TTLL11: variants seen among roughly 807,000 people sequenced by gnomAD.
TTLL11 encodes the protein tubulin polyglutamylase TTLL11.
Under a neutral mutation model 51.7 loss-of-function variants are expected in TTLL11, and 42 were observed. That is an observed-to-expected ratio of 0.81 (90% CI 0.64 to 1.05). TTLL11 has a LOEUF of 1.05. Among genes scored for constraint, TTLL11 ranks in the 50% least tolerant of loss-of-function variants. TTLL11 has a pLI of 0.00. For synonymous variants in TTLL11, 381 were observed against 383.5 expected (o/e 0.99, Z 0.08); for missense variants, 799 against 940.4 (o/e 0.85, Z 1.97).
At chr9:121,984,663 A>C (rs544539843) in intron 4 of TTLL11, among the ~76,000 whole-genome samples, 2 of 152,304 alleles carry the variant, frequency 1.3e-5, no homozygotes, top group Non-Finnish European at 2.9e-5. Flanking sequence ...AAAACAAAGA[A>C]TAAAGAGGAG....
intron 6 of TTLL11, among the ~76,000 whole-genome samples, chr9:121,871,902 G>C (rs1447600625): frequency 6.6e-6 from 1 of 152,220 alleles, no homozygotes; most frequent in Non-Finnish European, 1.5e-5. Context: ...TTGCAGGTCA[G>C]TTCCCACTCC....
chr9:121,997,278 G>A (rs1323075720), intron 3 of TTLL11, among the ~76,000 whole-genome samples: 2 of 152,044 alleles, frequency 1.3e-5, no homozygotes, highest in Admixed American at 6.6e-5. Context: ...TTCCTCTCAG[G>A]TCCCTTCTCA....
At chr9:121,978,076 A>G (rs768559289) in intron 4 of TTLL11, among the ~76,000 whole-genome samples, 2 of 152,252 alleles carry the variant, frequency 1.3e-5, no homozygotes, top group Admixed American at 6.5e-5. Context: ...TAGGGGAGAA[A>G]AGATCAAATA....
chr9:121,930,762 A>G (rs1006572941), intron 6 of TTLL11, among the ~76,000 whole-genome samples: 9 of 152,330 alleles, frequency 5.9e-5, no homozygotes, highest in Middle Eastern at 6.8e-3. Context: ...TTGCATCTCT[A>G]AGATGGAGCT....
chr9:121,927,035 C>T (rs1588130537), intron 6 of TTLL11, among the ~76,000 whole-genome samples: 1 of 152,142 alleles, frequency 6.6e-6, no homozygotes, highest in East Asian at 1.9e-4. Flanking sequence ...GAGGTTCCAC[C>T]CCCATGACCT....
chr9:121,928,215 A>G (rs1174017197), intron 6 of TTLL11, among the ~76,000 whole-genome samples: 4 of 152,210 alleles, frequency 2.6e-5, no homozygotes, highest in African/African-American at 4.8e-5. Flanking sequence ...GGTAAGAGGT[A>G]CTACTTCTAG....
intron 6 of TTLL11, among the ~76,000 whole-genome samples, chr9:121,928,351 A>G (rs186248873): frequency 6.6e-6 from 1 of 152,288 alleles, no homozygotes; most frequent in Non-Finnish European, 1.5e-5. Context: ...ACACATAACC[A>G]TGAAACCATC....
At chr9:121,950,413 T>C (rs558844990) in intron 6 of TTLL11, among the ~76,000 whole-genome samples, 29 of 152,232 alleles carry the variant, frequency 1.9e-4, no homozygotes, top group Admixed American at 1.6e-3. Flanking sequence ...ATTATTAAAT[T>C]AACCCCTGTC....
intron 7 of TTLL11, among the ~76,000 whole-genome samples, chr9:121,864,997 A>G (rs1401062784): frequency 6.6e-6 from 1 of 152,168 alleles, no homozygotes; most frequent in African/African-American, 2.4e-5. Context: ...AAGCTAACAA[A>G]TGATCAATAT....
chr9:122,092,051 G>C (rs920312188), intron 1 of TTLL11, among the ~76,000 whole-genome samples: 1 of 152,216 alleles, frequency 6.6e-6, no homozygotes, highest in African/African-American at 2.4e-5. Context: ...AAGAGAGAAA[G>C]GAGAAGGTGG....
At chr9:121,923,855 T>C (rs1342396705) in intron 6 of TTLL11, among the ~76,000 whole-genome samples, 1 of 152,172 alleles carries the variant, frequency 6.6e-6, no homozygotes, top group Non-Finnish European at 1.5e-5. Context: ...AGAAGTGATA[T>C]GGTTTGGCTG....
At chr9:122,035,605 T>C (rs1350866147) in intron 2 of TTLL11, among the ~76,000 whole-genome samples, 1 of 152,196 alleles carries the variant, frequency 6.6e-6, no homozygotes, top group African/African-American at 2.4e-5. Flanking sequence ...AAAAACATAT[T>C]AGAACCACCA....
At chr9:121,840,885 C>T (rs1249206873) in intron 8 of TTLL11, among the ~76,000 whole-genome samples, 2 of 152,224 alleles carry the variant, frequency 1.3e-5, no homozygotes. Context: ...GTGCTAGGCC[C>T]TGGGCCCCAA....
At chr9:122,062,308 G>T (rs565459248) in intron 1 of TTLL11, among the ~76,000 whole-genome samples, 3 of 152,176 alleles carry the variant, frequency 2.0e-5, no homozygotes, top group African/African-American at 7.2e-5. Flanking sequence ...CAGCCTCAGT[G>T]CTAGGAAAAG....
chr9:122,073,347 T>TCGC (rs1303813179), intron 1 of TTLL11, among the ~76,000 whole-genome samples: 1 of 152,114 alleles, frequency 6.6e-6, no homozygotes, highest in East Asian at 1.9e-4. Flanking sequence ...GAGCCAGTGG[T>TCGC]TGCAGTGAGC....
intron 3 of TTLL11, among the ~76,000 whole-genome samples, chr9:122,024,145 TA>T (rs1844262482): frequency 6.6e-6 from 1 of 152,168 alleles, no homozygotes; most frequent in Admixed American, 6.5e-5. Flanking sequence ...ATTTTATTTT[TA>T]CATACAATGA....
At chr9:121,891,283 T>C (rs1839221139) in intron 6 of TTLL11, among the ~76,000 whole-genome samples, 2 of 152,198 alleles carry the variant, frequency 1.3e-5, no homozygotes, top group Non-Finnish European at 2.9e-5. Flanking sequence ...GAGTCTCCAC[T>C]GCTTCAACCT....
chr9:122,074,138 G>A (rs1159188410), intron 1 of TTLL11, among the ~76,000 whole-genome samples: 2 of 152,106 alleles, frequency 1.3e-5, no homozygotes, highest in Non-Finnish European at 2.9e-5. Context: ...GCCAGGTGTG[G>A]TGGTGCGCAC....
intron 1 of TTLL11, among the ~76,000 whole-genome samples, chr9:122,070,296 T>C (rs149882866): frequency 6.6e-6 from 1 of 152,192 alleles, no homozygotes; most frequent in Non-Finnish European, 1.5e-5. Flanking sequence ...GAGCTCTGTG[T>C]GAGCAAAGGT....
Sources: allele counts gnomAD v4.1 joint callset (sites outside exome capture counted in the v4.1 genomes callset), GRCh38; gene constraint gnomAD v4.1.1; transcripts MANE v1.5; gene names NCBI Gene and HGNC (gene_info 2026-07-23, HGNC 2026-07-21).